GLRA1: variants seen among roughly 807,000 people sequenced by gnomAD.
The protein encoded by GLRA1 is glycine receptor alpha 1, also known as glycine receptor subunit alpha-1.
Under a neutral mutation model 48.3 loss-of-function variants are expected in GLRA1, and 37 were observed. The observed-to-expected ratio is 0.77, with a 90% CI of 0.59 to 1.01. The LOEUF (loss-of-function observed/expected upper bound fraction) is 1.01, where lower values mean the gene tolerates loss of function less well. Ranked by LOEUF, GLRA1 falls within the 50% of genes least tolerant of loss-of-function variation. GLRA1 has a pLI of 0.00. For synonymous variants in GLRA1, 196 were observed against 210.7 expected, an observed-to-expected ratio of 0.93 and a Z score of 0.60; for missense variants, 427 against 571.0, an observed-to-expected ratio of 0.75 and a Z score of 2.57.
chr5:151,885,193 C>T lies in GLRA1; in HGVS notation c.252+1528G>A, dbSNP rs536353502. Among the ~76,000 whole-genome samples the T allele has an allele frequency of 2.5e-4, 38 of 152,298 alleles. No homozygotes were observed. In the South Asian group the frequency reaches 7.1e-3, roughly 28 times the overall value. ...TGTAATCTCCATAAATGCTTAGGAC[C>T]AAATACTGGTTTTAATTGATAAGCA... is the stretch of plus-strand genomic sequence containing the variant. On this transcript the variant is annotated intron_variant, in intron 3 of 8. Coordinates refer to ENST00000274576, the MANE Select transcript of GLRA1 (RefSeq NM_000171.4).
intron 1 of GLRA1, among the ~76,000 whole-genome samples, chr5:151,916,402 T>A (rs1034731855): frequency 2.0e-5 from 3 of 152,232 alleles, no homozygotes; most frequent in Non-Finnish European, 4.4e-5. Flanking sequence ...AGCTGGCGAA[T>A]GTTGCAGAAC....
chr5:151,875,578 C>T (rs1165112130), intron 3 of GLRA1: 1 of 152,174 alleles, frequency 6.6e-6, no homozygotes, highest in Non-Finnish European at 1.5e-5. Flanking sequence ...TCTTGTGACA[C>T]AAGTTCTTAT....
intron 7 of GLRA1, among the ~76,000 whole-genome samples, chr5:151,839,319 AAGGT>A (rs1320703826): frequency 6.6e-6 from 1 of 152,058 alleles, no homozygotes; most frequent in Non-Finnish European, 1.5e-5. Flanking sequence ...AGTATTAGTA[AAGGT>A]AACTGCATAG....
intron 1 of GLRA1, among the ~76,000 whole-genome samples, chr5:151,911,769 C>A (rs1182360669): frequency 6.6e-6 from 1 of 151,924 alleles, no homozygotes; most frequent in Non-Finnish European, 1.5e-5. Flanking sequence ...CCGCACCTGG[C>A]TAATTTTTTT....
intron 1 of GLRA1, among the ~76,000 whole-genome samples, chr5:151,922,662 C>T (rs553955598): frequency 7.4e-4 from 113 of 152,338 alleles, no homozygotes; most frequent in Non-Finnish European, 1.4e-3. Context: ...GTTAGGCCAC[C>T]ACCAGCTTAG....
intron 7 of GLRA1, 76 bp from the exon 8 acceptor site, chr5:151,829,143 C>T (rs1049492901): frequency 6.8e-7 from 1 of 1,465,178 alleles, no homozygotes; most frequent in Non-Finnish European, 9.5e-7. Flanking sequence ...GGAATATTTT[C>T]TGCTCTTCGG....
At chr5:151,900,295 C>T (rs1337679504) in intron 1 of GLRA1, among the ~76,000 whole-genome samples, 3 of 152,288 alleles carry the variant, frequency 2.0e-5, no homozygotes, top group South Asian at 4.1e-4. Context: ...CTAGTCCTGG[C>T]CCTGCTACAA....
At chr5:151,859,675 G>T (rs1289020283) in intron 4 of GLRA1, 110 bp downstream of exon 4, 2 of 782,346 alleles carry the variant, frequency 2.6e-6, no homozygotes, top group South Asian at 2.9e-5. Context: ...GTGTTGGGTT[G>T]CCAGGGCCTG....
chr5:151,879,890 A>G (rs1753719986), intron 3 of GLRA1, among the ~76,000 whole-genome samples: 1 of 152,262 alleles, frequency 6.6e-6, no homozygotes, highest in South Asian at 2.1e-4. Context: ...TCCATGTGTT[A>G]TGGATGGGAC....
At chr5:151,907,241 T>G (rs1311908013) in intron 1 of GLRA1, among the ~76,000 whole-genome samples, 1 of 152,236 alleles carries the variant, frequency 6.6e-6, no homozygotes, top group African/African-American at 2.4e-5. Flanking sequence ...ATACAGAAGT[T>G]GCTCTTTATA....
chr5:151,899,328 T>C (rs1754308155), intron 1 of GLRA1, among the ~76,000 whole-genome samples: 1 of 152,216 alleles, frequency 6.6e-6, no homozygotes. Context: ...CTGAGTTTTA[T>C]TAATTGTAGC....
At chr5:151,887,004 GA>G (rs1753925439) in intron 2 of GLRA1, among the ~76,000 whole-genome samples, 1 of 152,202 alleles carries the variant, frequency 6.6e-6, no homozygotes, top group South Asian at 2.1e-4. Flanking sequence ...ACCAGGTACA[GA>G]ATACCAGAGG....
chr5:151,828,808 C>G, intron 8 of GLRA1, 113 bp downstream of exon 8: 1 of 1,118,120 alleles, frequency 8.9e-7, no homozygotes, highest in Non-Finnish European at 1.3e-6. Flanking sequence ...TCTAACCTGC[C>G]TTGCACATTG....
intron 5 of GLRA1, among the ~76,000 whole-genome samples, 161 bp from the exon 6 acceptor site, chr5:151,855,338 GTTAA>G (rs1753011835): frequency 6.6e-6 from 1 of 152,144 alleles, no homozygotes; most frequent in South Asian, 2.1e-4. Flanking sequence ...TAAAAAACTG[GTTAA>G]TTATTTATAT....
intron 3 of GLRA1, among the ~76,000 whole-genome samples, chr5:151,869,762 C>T (rs186633997): frequency 4.7e-5 from 7 of 149,550 alleles, no homozygotes; most frequent in Non-Finnish European, 8.8e-5. Context: ...ACAAAAAAAA[C>T]CTTTTCATCA....
intron 3 of GLRA1, among the ~76,000 whole-genome samples, chr5:151,870,115 A>G (rs982365547): frequency 1.3e-5 from 2 of 149,722 alleles, no homozygotes; most frequent in East Asian, 1.9e-4. Context: ...TAGACTATCT[A>G]TTGGGTAGAT....
intron 7 of GLRA1, among the ~76,000 whole-genome samples, chr5:151,830,756 A>G (rs992473603): frequency 6.6e-6 from 1 of 152,252 alleles, no homozygotes; most frequent in Non-Finnish European, 1.5e-5. Flanking sequence ...TTAATTCAGA[A>G]AAGTTACTGA....
At chr5:151,873,232 A>G (rs1753531767) in intron 3 of GLRA1, among the ~76,000 whole-genome samples, 2 of 149,726 alleles carry the variant, frequency 1.3e-5, no homozygotes, top group East Asian at 1.9e-4. Flanking sequence ...TTTAGGGCCT[A>G]GAGAAGGTTT....
chr5:151,868,179 G>A (rs148941868), intron 3 of GLRA1, among the ~76,000 whole-genome samples: 2 of 152,296 alleles, frequency 1.3e-5, no homozygotes, highest in East Asian at 1.9e-4. Flanking sequence ...TTTACAGAAA[G>A]GGAGTCTCCC....
Sources: allele counts gnomAD v4.1 joint callset (sites outside exome capture counted in the v4.1 genomes callset), GRCh38; gene constraint gnomAD v4.1.1; transcripts MANE v1.5; gene names NCBI Gene and HGNC (gene_info 2026-07-23, HGNC 2026-07-21).